Variants in MPDZ observed in about 807,000 individuals in gnomAD.
MPDZ encodes the protein multiple PDZ domain crumbs cell polarity complex component.
Under a neutral mutation model 239.1 loss-of-function variants are expected in MPDZ, and 234 were observed. The observed-to-expected ratio is 0.98, with a 90% CI of 0.88 to 1.09. The LOEUF (loss-of-function observed/expected upper bound fraction) is 1.09, where lower values mean the gene tolerates loss of function less well. Among genes scored for constraint, MPDZ ranks in the 50% least tolerant of loss-of-function variants. The probability of loss-of-function intolerance (pLI) is 0.00; values close to 1 mark genes in which losing one functional copy is unlikely to be tolerated. For synonymous variants in MPDZ, 1,048 were observed against 881.3 expected, an observed-to-expected ratio of 1.19 and a Z score of -3.35; for missense variants, 3,175 against 2,510.0, an observed-to-expected ratio of 1.26 and a Z score of -5.66.
intron 8 of MPDZ, among the ~76,000 whole-genome samples, chr9:13,218,757 G>A (rs1390988868): frequency 1.3e-5 from 2 of 151,796 alleles, no homozygotes; most frequent in Non-Finnish European, 2.9e-5. Context: ...TTACTATAAG[G>A]CTTATCTAGA....
At chr9:13,141,613 A>C (rs936751418) in intron 27 of MPDZ, among the ~76,000 whole-genome samples, 2 of 152,138 alleles carry the variant, frequency 1.3e-5, no homozygotes, top group African/African-American at 4.8e-5. Context: ...TTTTTAAAAA[A>C]CTGACTTCTT....
At chr9:13,164,159 C>T (rs901086056) in intron 22 of MPDZ, among the ~76,000 whole-genome samples, 2 of 152,156 alleles carry the variant, frequency 1.3e-5, no homozygotes, top group African/African-American at 2.4e-5. Flanking sequence ...GGAATCTCTT[C>T]GTGACACTTT....
At chr9:13,168,621 A>C in intron 21 of MPDZ, 57 bp from the exon 22 acceptor site, 2 of 1,216,610 alleles carry the variant, frequency 1.6e-6, no homozygotes, top group Non-Finnish European at 2.3e-6. Flanking sequence ...AATTCATTTT[A>C]ATTTGAATTT....
intron 15 of MPDZ, among the ~76,000 whole-genome samples, chr9:13,191,641 GC>G (rs1214741726): frequency 6.6e-6 from 1 of 152,054 alleles, no homozygotes; most frequent in Non-Finnish European, 1.5e-5. Context: ...CCATATTTTA[GC>G]CATTCACTAA....
chr9:13,188,329 C>T (rs1954418292), intron 17 of MPDZ, among the ~76,000 whole-genome samples: 1 of 152,122 alleles, frequency 6.6e-6, no homozygotes, highest in East Asian at 1.9e-4. Context: ...ACCAGCCTGG[C>T]CAACATGGTG....
At chr9:13,160,509 G>C (rs1306582970) in intron 23 of MPDZ, among the ~76,000 whole-genome samples, 3 of 151,968 alleles carry the variant, frequency 2.0e-5, no homozygotes, top group Non-Finnish European at 4.4e-5. Context: ...ACAGGACTCA[G>C]ATGTTACCTG....
At chr9:13,114,261 A>C (rs942732620) in intron 40 of MPDZ, among the ~76,000 whole-genome samples, 1 of 152,230 alleles carries the variant, frequency 6.6e-6, no homozygotes. Flanking sequence ...AATCTACCTA[A>C]AATTTTAGTG....
intron 39 of MPDZ, 114 bp downstream of exon 39, chr9:13,119,388 A>G (rs548354143): frequency 1.5e-6 from 2 of 1,290,688 alleles, no homozygotes; most frequent in Non-Finnish European, 2.1e-6. Flanking sequence ...CCTGGCCTTG[A>G]GGTGACACTT....
intron 23 of MPDZ, among the ~76,000 whole-genome samples, chr9:13,161,398 C>A (rs1453049459): frequency 1.3e-5 from 2 of 151,982 alleles, no homozygotes; most frequent in Non-Finnish European, 2.9e-5. Context: ...GGTGAAACCT[C>A]ATCTCTACTA....
Position 13,205,244 on chromosome 9 carries a change from A to AC in MPDZ, c.1475-138dup, listed in dbSNP as rs1343077741. ...GATAAACTTCTCAATAACTATATGTACTTAAAGGCAAGTTCTGTTAGTGGA... is the reference window on the plus strand; with the variant it reads ...GATAAACTTCTCAATAACTATATGTACCTTAAAGGCAAGTTCTGTTAGTGGA... On this transcript the variant is annotated intron_variant, in intron 11 of 46. Coordinates refer to ENST00000319217, the MANE Select transcript of MPDZ (RefSeq NM_001378778.1). The AC allele has an allele frequency of 1.9e-4, 91 of 470,104 alleles. No individual in the cohort carries two copies. The South Asian group carries it at 2.4e-3, about 13-fold the overall frequency. The allele number at this position is 470,104 out of a possible 1,614,324, so 29.1% of individuals were successfully genotyped here.
chr9:13,188,233 T>A (rs1009565124), intron 17 of MPDZ, among the ~76,000 whole-genome samples: 1 of 152,134 alleles, frequency 6.6e-6, no homozygotes, highest in African/African-American at 2.4e-5. Context: ...TATAAAATGT[T>A]AAGGCTGGGC....
chr9:13,127,656 G>C (rs976153718), intron 32 of MPDZ, among the ~76,000 whole-genome samples: 1 of 152,110 alleles, frequency 6.6e-6, no homozygotes, highest in Non-Finnish European at 1.5e-5. Flanking sequence ...CATCAAGGTA[G>C]GTTTCAACAT....
chr9:13,254,286 C>T (rs1968861393), intron 1 of MPDZ, among the ~76,000 whole-genome samples: 1 of 152,060 alleles, frequency 6.6e-6, no homozygotes. Flanking sequence ...GGAATATTCG[C>T]CATTTATGTA....
intron 1 of MPDZ, among the ~76,000 whole-genome samples, chr9:13,253,587 A>T (rs142141409): frequency 6.6e-6 from 1 of 152,268 alleles, no homozygotes; most frequent in Non-Finnish European, 1.5e-5. Context: ...TTGCCCATCT[A>T]AACACCATAT....
intron 32 of MPDZ, among the ~76,000 whole-genome samples, chr9:13,131,253 T>G (rs192969333): frequency 6.6e-6 from 1 of 152,272 alleles, no homozygotes; most frequent in East Asian, 1.9e-4. Flanking sequence ...ACATCATTTG[T>G]AACAATGGCT....
At chr9:13,259,020 G>C (rs1354090888) in intron 1 of MPDZ, among the ~76,000 whole-genome samples, 3 of 151,942 alleles carry the variant, frequency 2.0e-5, no homozygotes, top group Non-Finnish European at 4.4e-5. Flanking sequence ...AGGAGGCAGA[G>C]GCTCAATACA....
At chr9:13,114,701 A>C (rs1006118230) in intron 40 of MPDZ, among the ~76,000 whole-genome samples, 1 of 151,948 alleles carries the variant, frequency 6.6e-6, no homozygotes, top group Admixed American at 6.6e-5. Context: ...GGCGTTTGAG[A>C]CCAGCCTGGC....
At chr9:13,180,784 G>A (rs77411371) in intron 19 of MPDZ, among the ~76,000 whole-genome samples, 2,297 of 152,218 alleles carry the variant, frequency 0.015, 57 homozygotes, top group African/African-American at 0.053. Context: ...CCATAGAGGC[G>A]GGTATATTTT....
chr9:13,258,278 T>C (rs1969903383), intron 1 of MPDZ, among the ~76,000 whole-genome samples: 1 of 152,190 alleles, frequency 6.6e-6, no homozygotes, highest in Admixed American at 6.5e-5. Flanking sequence ...AACTAACAAG[T>C]GAAAATATGT....
Sources: allele counts gnomAD v4.1 joint callset (sites outside exome capture counted in the v4.1 genomes callset), GRCh38; gene constraint gnomAD v4.1.1; transcripts MANE v1.5; gene names NCBI Gene and HGNC (gene_info 2026-07-23, HGNC 2026-07-21).